Variants in NCKAP1 observed in about 807,000 individuals in gnomAD.
NCKAP1 encodes NCK associated protein 1.
NCKAP1 carries 21 observed loss-of-function variants against 151.2 expected under a neutral mutation model. The ratio of observed to expected loss-of-function variants is 0.14; its 90% confidence interval spans 0.10 to 0.20. The LOEUF is 0.20. NCKAP1 is among the 10% of genes least tolerant of loss of function. NCKAP1 has a pLI of 1.00. For missense variants in NCKAP1, 933 were observed against 1,352.1 expected (o/e 0.69, Z 4.86); for synonymous variants, 484 against 451.8 (o/e 1.07, Z -0.90).
intron 29 of NCKAP1, chr2:182,927,307 C>A (rs753405749): frequency 6.5e-6 from 1 of 153,222 alleles, no homozygotes; most frequent in Admixed American, 6.6e-5. Flanking sequence ...AGACATTAAA[C>A]CCTGAGTGAA....
At chr2:182,990,637 T>C (rs906050563) in intron 8 of NCKAP1, among the ~76,000 whole-genome samples, 1 of 152,198 alleles carries the variant, frequency 6.6e-6, no homozygotes, top group Non-Finnish European at 1.5e-5. Context: ...GTCTACTATA[T>C]ATACAAGGTT....
intron 15 of NCKAP1, among the ~76,000 whole-genome samples, chr2:182,972,593 C>T (rs1389127353): frequency 6.6e-6 from 1 of 152,126 alleles, no homozygotes; most frequent in South Asian, 2.1e-4. Flanking sequence ...AATCAACATA[C>T]TGAAGAAGTA....
chr2:183,011,781 A>G (rs1324375974), intron 2 of NCKAP1, among the ~76,000 whole-genome samples: 1 of 152,214 alleles, frequency 6.6e-6, no homozygotes, highest in Non-Finnish European at 1.5e-5. Flanking sequence ...CAGAAGTGGA[A>G]TTGCTTTCTT....
chr2:183,003,488 G>A (rs1204142796), intron 2 of NCKAP1, among the ~76,000 whole-genome samples, 163 bp from the exon 3 acceptor site: 1 of 152,042 alleles, frequency 6.6e-6, no homozygotes, highest in Non-Finnish European at 1.5e-5. Context: ...GACAGCAACT[G>A]CTAATAGTGA....
chr2:182,952,055 C>T (rs559353619), intron 23 of NCKAP1, among the ~76,000 whole-genome samples: 4 of 152,268 alleles, frequency 2.6e-5, no homozygotes, highest in African/African-American at 9.6e-5. Flanking sequence ...ATTCAAACCG[C>T]AAGTGTGAAC....
In NCKAP1 at chr2:182,953,277, A is replaced by C. The variant is rs145888716; in HGVS notation, c.2208T>G (p.Pro736=). ...CTCTTACACTTGTTAGAAGTTCTGA[A>C]GGTTTTGCAATTTCCTGTGTGGCTT... ...YNQATQEIAK[P]SELLTSVRAY... The change falls in exon 21 of 31, where the codon CCT becomes CCG. Residue 736 remains proline (P), a synonymous_variant. Transcript: ENST00000361354. The C allele has an allele frequency of 6.2e-7, 1 of 1,613,782 alleles. No individual in the cohort carries two copies. The highest frequency in any genetic ancestry group is 8.5e-7 in the Non-Finnish European group (1 of 1,179,830).
chr2:182,995,025 C>G (rs946410375), intron 7 of NCKAP1, 138 bp from the exon 8 acceptor site: 2 of 681,446 alleles, frequency 2.9e-6, no homozygotes, highest in African/African-American at 1.8e-5. Context: ...ATTTGAAGAG[C>G]TGGATAAAAG....
rs80352370 is a variant in NCKAP1 at position 182,916,984 on chromosome 2, T to C, written c.*8718A>G. The stretch of plus-strand genomic sequence containing the variant: ...GATATTATAATACTCATAAAAGCCA[T>C]GAAAAAACTCTTTGAAGGCAATTTT... On this transcript the variant is annotated 3_prime_UTR_variant, in exon 31 of 31. Transcript: ENST00000361354. 104 of 152,244 alleles carry C rather than the reference T, an allele frequency of 6.8e-4. No individual in the cohort carries two copies. Among genetic ancestry groups the C allele is most frequent in the East Asian group, 4.6e-3 (24 of 5,186 alleles). 9.4% of individuals were successfully genotyped at this position (152,244 alleles called of 1,614,324 possible). A position where few individuals can be genotyped will look rare whatever the true frequency, so the allele number is the denominator to read the frequency against.
At chr2:183,034,565 T>C (rs989071264) in intron 1 of NCKAP1, among the ~76,000 whole-genome samples, 7 of 152,138 alleles carry the variant, frequency 4.6e-5, no homozygotes, top group Admixed American at 3.3e-4. Flanking sequence ...AAAATTTAAC[T>C]GAGCAAAATG....
chr2:183,024,269 A>C (rs774440845), intron 1 of NCKAP1, among the ~76,000 whole-genome samples: 4 of 152,202 alleles, frequency 2.6e-5, no homozygotes, highest in Non-Finnish European at 4.4e-5. Flanking sequence ...TATTCAGTAG[A>C]GTACTAGACA....
chr2:182,981,830 A>C (rs1329623800), intron 12 of NCKAP1, among the ~76,000 whole-genome samples: 1 of 149,292 alleles, frequency 6.7e-6, no homozygotes, highest in African/African-American at 2.5e-5. Context: ...AATCACTTGA[A>C]CCCAGGAGGT....
chr2:182,945,425 G>A (rs1251859906), intron 23 of NCKAP1, among the ~76,000 whole-genome samples: 1 of 151,708 alleles, frequency 6.6e-6, no homozygotes, highest in Non-Finnish European at 1.5e-5. Context: ...AAAAAAACCA[G>A]CAAAGAAATT....
At chr2:183,009,437 A>AGGAC (rs1194079900) in intron 2 of NCKAP1, among the ~76,000 whole-genome samples, 3 of 117,714 alleles carry the variant, frequency 2.5e-5, no homozygotes. Flanking sequence ...GAAGGAAGGA[A>AGGAC]GGAAGGAAGG....
Position 182,915,560 on chromosome 2 carries a change from T to C in NCKAP1, c.*10142A>G, listed in dbSNP as rs923885446. The C allele has an allele frequency of 6.6e-6, 1 of 152,176 alleles. No individual in the cohort carries two copies. The highest frequency in any genetic ancestry group is 1.5e-5 in the Non-Finnish European group (1 of 68,050). The allele number at this position is 152,176 out of a possible 1,614,324, so 9.4% of individuals were successfully genotyped here. On this transcript the variant is annotated 3_prime_UTR_variant, in exon 31 of 31. Transcript: ENST00000361354. ...TATTGGTCCTCCCTGTACGATCAGC[T>C]GCGAAAGAACTGCCAGTGCAATCTT...
At chr2:182,982,752 A>T in intron 12 of NCKAP1, 69 bp downstream of exon 12, 1 of 998,522 alleles carries the variant, frequency 1.0e-6, no homozygotes, top group South Asian at 1.7e-5. Context: ...GTCTATCAGG[A>T]CATAACCCCA....
chr2:182,967,372 CAA>C lies in NCKAP1; in HGVS notation c.1483-13_1483-12del, dbSNP rs367677358. The C allele has an allele frequency of 2.9e-4, 377 of 1,312,882 alleles. No homozygotes were observed. Among genetic ancestry groups the C allele is most frequent in the Admixed American group, 9.9e-4 (39 of 39,592 alleles). The allele number at this position is 1,312,882 out of a possible 1,614,324, so 81.3% of individuals were successfully genotyped here. ...GACACTAGTATATGCCTATAAAGTA[CAA>C]AAAAAAAAAAGTAGTTCAGGTAAAC... On this transcript the variant is annotated splice_polypyrimidine_tract_variant and intron_variant, in intron 15 of 30. Transcript: ENST00000361354.
In NCKAP1 at chr2:182,962,246, T is replaced by C. The variant is rs1247070404; in HGVS notation, c.1794A>G (p.Leu598=). The part of the protein sequence containing the change: ...RHHIGDRSLS[L]CNMFLDEMAK... ...CCATTTCATCTAGGAACATATTACA[T>C]AAGGAAAGACTGCGATCTCCAATAT... is the stretch of plus-strand genomic sequence containing the variant. Residue 598 remains leucine, a synonymous_variant, in exon 18 of 31, where the codon TTA becomes TTG. Transcript: ENST00000361354. 6.2e-7 allele frequency: 1 copy of C among 1,610,388 alleles called. No homozygotes were observed. The highest frequency in any genetic ancestry group is 1.1e-5 in the South Asian group (1 of 90,848).
chr2:182,967,020 TAA>T (rs1260200644), intron 16 of NCKAP1, among the ~76,000 whole-genome samples, 194 bp downstream of exon 16: 1 of 152,168 alleles, frequency 6.6e-6, no homozygotes, highest in Non-Finnish European at 1.5e-5. Flanking sequence ...TTTAGAGAAT[TAA>T]AAACAGACAT....
chr2:183,036,769 T>TA (rs1699109754), intron 1 of NCKAP1, among the ~76,000 whole-genome samples: 1 of 128,022 alleles, frequency 7.8e-6, no homozygotes, highest in Non-Finnish European at 1.6e-5. Flanking sequence ...CATCAAATTG[T>TA]AAAAAATAAA....
Sources: allele counts gnomAD v4.1 joint callset (sites outside exome capture counted in the v4.1 genomes callset), GRCh38; gene constraint gnomAD v4.1.1; transcripts MANE v1.5; gene names NCBI Gene and HGNC (gene_info 2026-07-23, HGNC 2026-07-21).